The following PIEZO1 variants were observed in gnomAD, a reference collection of about 807,000 sequenced individuals.
The protein encoded by PIEZO1 is piezo-type mechanosensitive ion channel component 1.
A neutral mutation model predicts 297.2 loss-of-function variants in PIEZO1; 296 were observed. The ratio of observed to expected loss-of-function variants is 1.00; its 90% CI spans 0.91 to 1.10. The LOEUF is 1.10. Among genes scored for constraint, PIEZO1 ranks in the 50% least tolerant of loss-of-function variants. The pLI is 0.00. For missense variants in PIEZO1, 5,018 were observed against 3,455.5 expected (o/e 1.45, Z -11.34); for synonymous variants, 2,427 against 1,507.5 (o/e 1.61, Z -14.13).
At position 88,722,334 on chromosome 16, in the gene PIEZO1, G is replaced by A. The variant is rs750684186; in HGVS notation, c.4839C>T (p.Thr1613=). The change falls in exon 36 of 51, where the codon ACC becomes ACT. Residue 1613 remains threonine (T), a synonymous_variant. Coordinates refer to ENST00000301015, the MANE Select transcript of PIEZO1 (RefSeq NM_001142864.4). ...CACTGCCACTGCGCGTGTGGTAGCC[G>A]GTGCTCAGGGGGCTGCCCATGTCGT... ...MTDDMGSPLS[T]GYHTRSGSEE... The A allele has an allele frequency of 2.1e-5, 33 of 1,541,160 alleles. No individual in the cohort carries two copies. Among genetic ancestry groups the A allele is most frequent in the Admixed American group, 8.0e-5 (4 of 49,898 alleles).
chr16:88,749,212 C>A (rs1472122840), intron 2 of PIEZO1, among the ~76,000 whole-genome samples, 172 bp downstream of exon 2: 1 of 152,038 alleles, frequency 6.6e-6, no homozygotes, highest in Non-Finnish European at 1.5e-5. Flanking sequence ...TGCACTCCAG[C>A]CTGGGCGACT....
In PIEZO1 at chr16:88,742,472, G is replaced by A. The variant is rs552396197; in HGVS notation, c.161-50C>T. 81 of 1,521,224 alleles carry A rather than the reference G, an allele frequency of 5.3e-5. 1 individual carries two copies. In the South Asian group the frequency reaches 8.3e-4, roughly 16 times the overall value. 94.2% of individuals were successfully genotyped at this position (1,521,224 alleles called of 1,614,324 possible). A position where few individuals can be genotyped will look rare whatever the true frequency, so the allele number is the denominator to read the frequency against. On this transcript the variant is annotated intron_variant, in intron 2 of 50. Coordinates refer to ENST00000301015, the MANE Select transcript of PIEZO1 (RefSeq NM_001142864.4). ...CTGGTCCCGGGGACGGGGAGGGGCCGCAGCCCAGGCCGCTCAGCCGGACAA... is the reference window on the plus strand; with the variant it reads ...CTGGTCCCGGGGACGGGGAGGGGCCACAGCCCAGGCCGCTCAGCCGGACAA...
chr16:88,737,343 G>T (rs891888894), intron 10 of PIEZO1: 18 of 532,290 alleles, frequency 3.4e-5, no homozygotes, highest in Non-Finnish European at 5.0e-5. Flanking sequence ...AGCTGCCCTG[G>T]GGGTCTTGGG....
chr16:88,780,693 G>A (rs999846797), intron 1 of PIEZO1, among the ~76,000 whole-genome samples: 2 of 152,262 alleles, frequency 1.3e-5, no homozygotes, highest in African/African-American at 4.8e-5. Flanking sequence ...GGGCGCGGTG[G>A]CTCATGCCTG....
At position 88,716,910 on chromosome 16, in the gene PIEZO1, A is replaced by C. The variant is rs540049109; in HGVS notation, c.6661-12T>G. 1,104 of 1,549,076 alleles carry C rather than the reference A, an allele frequency of 7.1e-4. No individual in the cohort carries two copies. The highest frequency in any genetic ancestry group is 4.8e-3 in the Middle Eastern group (29 of 5,990). Reference sequence around the variant, plus strand: ...ATGGTGAACAGCGGCTGGGGCAGGCACGGGGACACGGGGCCACGAAGATGA... The same window carrying C: ...ATGGTGAACAGCGGCTGGGGCAGGCCCGGGGACACGGGGCCACGAAGATGA... On this transcript the variant is annotated splice_polypyrimidine_tract_variant and intron_variant, in intron 45 of 50. Coordinates refer to ENST00000301015, the MANE Select transcript of PIEZO1 (RefSeq NM_001142864.4).
At chr16:88,725,164 G>A (rs1904334531) in intron 29 of PIEZO1, 84 bp from the exon 30 acceptor site, 1 of 972,322 alleles carries the variant, frequency 1.0e-6, no homozygotes, top group Non-Finnish European at 1.5e-6. Flanking sequence ...CTTGGAGACA[G>A]GATAGGTGGA....
At chr16:88,723,604 C>G (rs964783047) in intron 31 of PIEZO1, among the ~76,000 whole-genome samples, 3 of 152,200 alleles carry the variant, frequency 2.0e-5, no homozygotes, top group Non-Finnish European at 4.4e-5. Flanking sequence ...GGTGTTGGGC[C>G]GGTCTCACAG....
intron 44 of PIEZO1, chr16:88,717,978 G>T: frequency 5.9e-6 from 2 of 338,836 alleles, no homozygotes; most frequent in Non-Finnish European, 1.1e-5. Context: ...AGCTACTCGG[G>T]AGGCTGAGGT....
At chr16:88,778,652 G>T (rs1027657013) in intron 1 of PIEZO1, among the ~76,000 whole-genome samples, 1 of 152,194 alleles carries the variant, frequency 6.6e-6, no homozygotes, top group African/African-American at 2.4e-5. Flanking sequence ...CGTCCCCATG[G>T]GCCCGGCACC....
chr16:88,720,698 T>C lies in PIEZO1; in HGVS notation c.5719A>G (p.Thr1907Ala), dbSNP rs1422902558. 13 of 1,537,080 alleles carry C rather than the reference T, an allele frequency of 8.5e-6. No individual in the cohort carries two copies. The highest frequency in any genetic ancestry group is 2.5e-5 in the East Asian group (1 of 40,816). Residue 1907 changes from threonine to alanine, a missense_variant, in exon 40 of 51, where the codon ACG becomes GCG. Thr to Ala is a moderately conservative substitution (Grantham distance 58). Transcript: ENST00000301015. ...EEGEEEKEAP[T>A]GREKRPSRSG... ...CGGCTTGGCCTCTTCTCTCTCCCCG[T>C]GGGGGCCTCTTTCTCTTCCTCCCCC...
chr16:88,720,405 A>AAAT lies in PIEZO1; in HGVS notation c.5926_5928dup (p.Ile1976dup). The AAAT allele has an allele frequency of 6.5e-7, 1 of 1,550,322 alleles. No individual in the cohort carries two copies. The highest frequency in any genetic ancestry group is 8.7e-7 in the Non-Finnish European group (1 of 1,146,910). On this transcript the variant is annotated inframe_insertion, in exon 41 of 51. Transcript: ENST00000301015. ...CTCACCCCAAAGGCCCAGAAGCCAA[A>AAAT]AATGATGATGATGAAGTCGACAACA...
At chr16:88,733,841 G>GC (rs1247635381) in intron 17 of PIEZO1, 65 bp downstream of exon 17, 5 of 1,459,120 alleles carry the variant, frequency 3.4e-6, no homozygotes, top group South Asian at 1.4e-5. Flanking sequence ...CTCTGCCAAC[G>GC]CCCCCCGAGC....
At chr16:88,741,346 CCT>C (rs2142841988) in intron 5 of PIEZO1, 130 bp downstream of exon 5, 1 of 844,934 alleles carries the variant, frequency 1.2e-6, no homozygotes, top group African/African-American at 1.7e-5. Context: ...GGAACTTCCT[CCT>C]CTCTTTAACA....
At position 88,784,976 on chromosome 16, in the gene PIEZO1, C is replaced by T. The variant is rs1001992722; in HGVS notation, c.-12G>A. On this transcript the variant is annotated 5_prime_UTR_variant, in exon 1 of 51. Transcript: ENST00000301015. ...ACGTGCGGCTCCATGGCTGGAGGGC[C>T]CAGGGCCCGGCCCAGACCGAGCGGA... 1 of 1,333,010 alleles carries T rather than the reference C, an allele frequency of 7.5e-7. No individual in the cohort carries two copies. Among genetic ancestry groups the T allele is most frequent in the Non-Finnish European group, 9.7e-7 (1 of 1,033,338 alleles). 82.6% of individuals were successfully genotyped at this position (1,333,010 alleles called of 1,614,324 possible).
chr16:88,777,107 G>C (rs1052142791), intron 1 of PIEZO1, among the ~76,000 whole-genome samples: 2 of 152,338 alleles, frequency 1.3e-5, no homozygotes, highest in Admixed American at 6.5e-5. Context: ...CGAGTAGCTA[G>C]GATTACAGAT....
Position 88,722,627 on chromosome 16 carries a change from C to G in PIEZO1, c.4731G>C (p.Leu1577=), listed in dbSNP as rs1375688268. 6.5e-7 allele frequency: 1 copy of G among 1,538,358 alleles called. No homozygotes were observed. The highest frequency in any genetic ancestry group is 2.0e-5 in the Admixed American group (1 of 50,850). ...QLYTSQAEAT[L]PGPTEAPNAP... is the part of the protein sequence containing the mutation. ...CATTGGGGGCCTCGGTGGGGCCTGG[C>G]AGCGTGGCCTCGGCCTGGCTTGTGT... The change falls in exon 35 of 51, where the codon CTG becomes CTC. Residue 1577 remains leucine, a synonymous_variant. Transcript: ENST00000301015.
At chr16:88,769,343 A>G (rs1907317921) in intron 1 of PIEZO1, among the ~76,000 whole-genome samples, 1 of 152,202 alleles carries the variant, frequency 6.6e-6, no homozygotes. Flanking sequence ...TGAGGCCACC[A>G]CGCCCAGAGC....
intron 41 of PIEZO1, 37 bp from the exon 42 acceptor site, chr16:88,720,320 C>T (rs2142760971): frequency 6.5e-7 from 1 of 1,549,996 alleles, no homozygotes; most frequent in Non-Finnish European, 8.7e-7. Flanking sequence ...GGGAGCCAAG[C>T]CCAGGGGATG....
chr16:88,725,276 A>T, intron 29 of PIEZO1, 140 bp downstream of exon 29: 1 of 694,566 alleles, frequency 1.4e-6, no homozygotes, highest in Non-Finnish European at 2.3e-6. Context: ...GGGGCCTGCC[A>T]GACAGAGGGT....
Sources: allele counts gnomAD v4.1 joint callset (sites outside exome capture counted in the v4.1 genomes callset), GRCh38; gene constraint gnomAD v4.1.1; transcripts MANE v1.5; gene names NCBI Gene and HGNC (gene_info 2026-07-23, HGNC 2026-07-21).